Variants in GPR174 observed in about 807,000 individuals in gnomAD.
GPR174 encodes the protein G protein-coupled receptor 174.
A neutral mutation model predicts 16.5 loss-of-function variants in GPR174; 8 were observed. The observed-to-expected ratio is 0.48, with a 90% CI of 0.28 to 0.87. The LOEUF is 0.87. Among genes scored for constraint, GPR174 ranks in the 40% least tolerant of loss-of-function variants. The pLI, the probability that GPR174 is intolerant of heterozygous loss-of-function variation, is 0.09. For synonymous variants in GPR174, 111 were observed against 94.8 expected (o/e 1.17, Z -0.99); for missense variants, 214 against 247.5 (o/e 0.86, Z 0.91).
chrX:79,171,926 G>A lies in GPR174; in HGVS notation c.919G>A (p.Asp307Asn), dbSNP rs763588761. 6 of 1,210,483 alleles carry A rather than the reference G, an allele frequency of 5.0e-6. No individual in the cohort carries two copies. Among genetic ancestry groups the A allele is most frequent in the Non-Finnish European group, 6.7e-6 (6 of 894,839 alleles). The change falls in exon 3 of 3, where the codon GAT becomes AAT. Residue 307 changes from aspartate to asparagine, a missense_variant. Asp to Asn is a conservative substitution (Grantham distance 23). Coordinates refer to ENST00000645147, the MANE Select transcript of GPR174 (RefSeq NM_032553.3). ...NEFRRRLSRQDLHDSIQLHAK... is the reference protein window; with the variant it reads ...NEFRRRLSRQNLHDSIQLHAK... ...GTTCCGAAGACGGCTTTCAAGACAAGATTTGCATGACAGCATCCAACTCCA... is the reference window on the plus strand; with the variant it reads ...GTTCCGAAGACGGCTTTCAAGACAAAATTTGCATGACAGCATCCAACTCCA...
At chrX:79,157,315 T>C (rs1013384522) in intron 2 of GPR174, among the ~76,000 whole-genome samples, 1 of 111,889 alleles carries the variant, frequency 8.9e-6, no homozygotes, top group Non-Finnish European at 1.9e-5. Flanking sequence ...TCTTCATTAC[T>C]GAGTTGTTTT....
intron 1 of GPR174, among the ~76,000 whole-genome samples, chrX:79,150,887 T>G (rs1926588475): frequency 1.8e-5 from 2 of 111,296 alleles, no homozygotes; most frequent in Admixed American, 9.6e-5. Context: ...TGATTTCGGA[T>G]TTTGGACGTA....
intron 2 of GPR174, among the ~76,000 whole-genome samples, chrX:79,162,687 G>T (rs770230070): frequency 8.9e-4 from 99 of 111,678 alleles, no homozygotes; most frequent in Non-Finnish European, 9.0e-4. Context: ...TATTCTAATT[G>T]TTGCGAGGAA....
At chrX:79,163,032 C>T (rs754840872) in intron 2 of GPR174, among the ~76,000 whole-genome samples, 2 of 111,656 alleles carry the variant, frequency 1.8e-5, no homozygotes, top group South Asian at 7.6e-4. Flanking sequence ...CTAGAACAGT[C>T]TGGCATGGTG....
intron 1 of GPR174, among the ~76,000 whole-genome samples, chrX:79,147,115 T>C (rs1926515835): frequency 8.9e-6 from 1 of 111,763 alleles, no homozygotes; most frequent in South Asian, 3.7e-4. Context: ...ATGGCAAACA[T>C]CTGAGACCTT....
intron 2 of GPR174, among the ~76,000 whole-genome samples, chrX:79,169,446 C>T (rs893777008): frequency 8.1e-5 from 9 of 111,725 alleles, no homozygotes; most frequent in Non-Finnish European, 1.9e-5. Flanking sequence ...TTATGAATCA[C>T]TCATCAAGCC....
intron 2 of GPR174, among the ~76,000 whole-genome samples, chrX:79,159,544 A>T (rs1921183718): frequency 9.0e-6 from 1 of 111,532 alleles, no homozygotes; most frequent in East Asian, 2.8e-4. Context: ...AGAGGTAGGT[A>T]CTATTATCAT....
intron 1 of GPR174, among the ~76,000 whole-genome samples, chrX:79,150,754 C>G (rs775949536): frequency 8.9e-6 from 1 of 112,052 alleles, no homozygotes; most frequent in Non-Finnish European, 1.9e-5. Context: ...CAGTCTCACT[C>G]GTAAGCATAA....
Position 79,172,068 on chromosome X carries a change from T to C in GPR174, c.*59T>C. The C allele has an allele frequency of 9.3e-7, 1 of 1,078,776 alleles. No homozygotes were observed. The highest frequency in any genetic ancestry group is 1.2e-6 in the Non-Finnish European group (1 of 804,310). The allele number at this position is 1,078,776 out of a possible 1,213,427, so 88.9% of individuals were successfully genotyped here. On this transcript the variant is annotated 3_prime_UTR_variant, in exon 3 of 3. Transcript: ENST00000645147. ...CAAGTACATCAGAACATATCTGCAATACCCAAGCCACAGGGAAGAACTTGC... is the reference window on the plus strand; with the variant it reads ...CAAGTACATCAGAACATATCTGCAACACCCAAGCCACAGGGAAGAACTTGC...
At chrX:79,170,334 C>A (rs1475523511) in intron 2 of GPR174, 118 bp from the exon 3 acceptor site, 3 of 110,425 alleles carry the variant, frequency 2.7e-5, no homozygotes, top group African/African-American at 9.9e-5. Flanking sequence ...GCAGCATATA[C>A]CCTTCCCTTA....
intron 1 of GPR174, among the ~76,000 whole-genome samples, chrX:79,145,869 A>G (rs1485712934): frequency 8.9e-6 from 1 of 112,025 alleles, no homozygotes; most frequent in African/African-American, 3.2e-5. Context: ...AATAAGAAAG[A>G]TAACAGGCAC....
chrX:79,174,393 G>A lies in GPR174; in HGVS notation c.*2384G>A, dbSNP rs1221569346. 4.7e-5 allele frequency: 5 copies of A among 106,827 alleles called. No homozygotes were observed. In the East Asian group the frequency reaches 1.5e-3, roughly 32 times the overall value. 8.8% of individuals were successfully genotyped at this position (106,827 alleles called of 1,213,427 possible). A position where few individuals can be genotyped will look rare whatever the true frequency, so the allele number is the denominator to read the frequency against. Reference sequence around the variant, plus strand: ...ATTCATTCACACCATGGTGCTAATAGCTAATGTTAGGTTCATATTAATTTA... The same window carrying A: ...ATTCATTCACACCATGGTGCTAATAACTAATGTTAGGTTCATATTAATTTA... On this transcript the variant is annotated 3_prime_UTR_variant, in exon 3 of 3. Transcript: ENST00000645147.
At chrX:79,150,782 T>C (rs778359049) in intron 1 of GPR174, among the ~76,000 whole-genome samples, 28 of 112,280 alleles carry the variant, frequency 2.5e-4, no homozygotes, top group African/African-American at 8.7e-4. Context: ...ATTTTCTTCA[T>C]GGGGAATTCT....
intron 1 of GPR174, among the ~76,000 whole-genome samples, chrX:79,151,906 C>A (rs1926608194): frequency 9.0e-6 from 1 of 111,651 alleles, no homozygotes; most frequent in African/African-American, 3.2e-5. Flanking sequence ...CTTCATGGAA[C>A]TTTTTGCCTT....
At chrX:79,170,098 C>A (rs932428690) in intron 2 of GPR174, among the ~76,000 whole-genome samples, 4 of 111,606 alleles carry the variant, frequency 3.6e-5, no homozygotes, top group Non-Finnish European at 7.5e-5. Flanking sequence ...AAGCAGTAGT[C>A]CAAATCATAG....
At chrX:79,163,905 A>G (rs920852292) in intron 2 of GPR174, among the ~76,000 whole-genome samples, 1 of 111,447 alleles carries the variant, frequency 9.0e-6, no homozygotes, top group Non-Finnish European at 1.9e-5. Flanking sequence ...TTGTGAATCT[A>G]GTACCTAAAA....
chrX:79,151,943 T>A (rs1361333287), intron 1 of GPR174, among the ~76,000 whole-genome samples: 1 of 111,670 alleles, frequency 9.0e-6, no homozygotes, highest in Non-Finnish European at 1.9e-5. Context: ...CATCTATACT[T>A]AAGCTGACAT....
Position 79,171,537 on chromosome X carries a change from T to C in GPR174, c.530T>C (p.Val177Ala). ...KCFVDLPTRN[V>A]NLAQSVVMMT... Reference sequence around the variant, plus strand: ...TTTGTGGATCTTCCTACCAGGAATGTCAACCTGGCCCAGTCCGTTGTTATG... The same window carrying C: ...TTTGTGGATCTTCCTACCAGGAATGCCAACCTGGCCCAGTCCGTTGTTATG... The change falls in exon 3 of 3, where the codon GTC becomes GCC. Residue 177 changes from valine to alanine, a missense_variant. Val to Ala is a moderately conservative substitution (Grantham distance 64, BLOSUM62 0). Coordinates refer to ENST00000645147, the MANE Select transcript of GPR174 (RefSeq NM_032553.3). The C allele has an allele frequency of 8.3e-7, 1 of 1,211,478 alleles. No homozygotes were observed. The highest frequency in any genetic ancestry group is 1.1e-6 in the Non-Finnish European group (1 of 895,430).
rs1365977952 is a variant in GPR174 at position 79,172,826 on chromosome X, C to G, written c.*817C>G. 1 of 111,563 alleles carries G rather than the reference C, an allele frequency of 9.0e-6. No individual in the cohort carries two copies. The highest frequency in any genetic ancestry group is 1.9e-5 in the Non-Finnish European group (1 of 53,040). 9.2% of individuals were successfully genotyped at this position (111,563 alleles called of 1,213,427 possible). On this transcript the variant is annotated 3_prime_UTR_variant, in exon 3 of 3. Transcript: ENST00000645147. ...AAGGTGACAATCACAATTCTGCTCT[C>G]TTACACTTTTTCTAAAGAACACTTC...
Sources: allele counts gnomAD v4.1 joint callset (sites outside exome capture counted in the v4.1 genomes callset), GRCh38; gene constraint gnomAD v4.1.1; transcripts MANE v1.5; gene names NCBI Gene and HGNC (gene_info 2026-07-23, HGNC 2026-07-21).